ZDHHC14: variants seen among roughly 807,000 people sequenced by gnomAD.
The protein encoded by ZDHHC14 is zDHHC palmitoyltransferase 14, also known as palmitoyltransferase ZDHHC14.
Under a neutral mutation model 47.7 loss-of-function variants are expected in ZDHHC14, and 16 were observed. The observed-to-expected ratio is 0.34, with a 90% confidence interval of 0.23 to 0.51. ZDHHC14 has a LOEUF of 0.51. Ranked by LOEUF, ZDHHC14 falls within the 20% of genes least tolerant of loss-of-function variation. The pLI is 0.97. For missense variants in ZDHHC14, 515 were observed against 662.5 expected (o/e 0.78, Z 2.44); for synonymous variants, 293 against 278.9 (o/e 1.05, Z -0.50).
At chr6:157,664,519 A>G (rs1246558701) in intron 8 of ZDHHC14, among the ~76,000 whole-genome samples, 2 of 152,206 alleles carry the variant, frequency 1.3e-5, no homozygotes, top group Admixed American at 6.5e-5. Flanking sequence ...ATCTGTGGAA[A>G]GTTCAAAGTG....
At chr6:157,653,736 C>T (rs924046430) in intron 8 of ZDHHC14, 109 bp downstream of exon 8, 23 of 957,986 alleles carry the variant, frequency 2.4e-5, no homozygotes, top group African/African-American at 9.7e-5. Flanking sequence ...GCGGGGGCAG[C>T]CCACAGCCGC....
At chr6:157,482,190 A>G (rs1390949767) in intron 1 of ZDHHC14, among the ~76,000 whole-genome samples, 1 of 152,130 alleles carries the variant, frequency 6.6e-6, no homozygotes, top group Non-Finnish European at 1.5e-5. Flanking sequence ...GATAGTAGCC[A>G]GTTGGAGATG....
intron 1 of ZDHHC14, among the ~76,000 whole-genome samples, chr6:157,515,084 A>G (rs1780633092): frequency 6.6e-6 from 1 of 152,114 alleles, no homozygotes; most frequent in African/African-American, 2.4e-5. Flanking sequence ...GGGCTGGGGA[A>G]GTTGAATCTG....
At chr6:157,655,049 G>A (rs1298591889) in intron 8 of ZDHHC14, among the ~76,000 whole-genome samples, 1 of 152,172 alleles carries the variant, frequency 6.6e-6, no homozygotes, top group Non-Finnish European at 1.5e-5. Context: ...TTCTTTCGAA[G>A]CAAGTATGTT....
chr6:157,532,301 A>G (rs1005138003), intron 1 of ZDHHC14, among the ~76,000 whole-genome samples: 5 of 152,230 alleles, frequency 3.3e-5, no homozygotes, highest in Non-Finnish European at 7.3e-5. Flanking sequence ...TTTGTTGAAA[A>G]TGTCTCTGTT....
intron 2 of ZDHHC14, among the ~76,000 whole-genome samples, chr6:157,557,791 T>C (rs1782536342): frequency 6.6e-6 from 1 of 152,170 alleles, no homozygotes. Context: ...AGCAAAGGAA[T>C]GGCGGCCACT....
At chr6:157,621,354 A>G (rs1008525880) in intron 3 of ZDHHC14, among the ~76,000 whole-genome samples, 6 of 151,682 alleles carry the variant, frequency 4.0e-5, no homozygotes, top group African/African-American at 1.5e-4. Context: ...AAAAAGCCCT[A>G]CGTTTAAAGA....
chr6:157,569,733 C>G (rs1434092990), intron 2 of ZDHHC14, among the ~76,000 whole-genome samples: 11 of 151,934 alleles, frequency 7.2e-5, no homozygotes, highest in Non-Finnish European at 1.5e-4. Flanking sequence ...TTCAAAACCC[C>G]CTTCAAGTCT....
intron 4 of ZDHHC14, 199 bp downstream of exon 4, chr6:157,628,685 C>T (rs1785537061): frequency 3.2e-6 from 2 of 632,412 alleles, no homozygotes; most frequent in Non-Finnish European, 5.3e-6. Flanking sequence ...TGTCATCCCC[C>T]ACTCCCCACC....
At chr6:157,583,841 G>A (rs1783597659) in intron 2 of ZDHHC14, among the ~76,000 whole-genome samples, 1 of 152,158 alleles carries the variant, frequency 6.6e-6, no homozygotes, top group Admixed American at 6.5e-5. Flanking sequence ...GGTTGTAGCA[G>A]AGGGCCTTTC....
intron 3 of ZDHHC14, among the ~76,000 whole-genome samples, chr6:157,624,881 A>G (rs1302857239): frequency 1.3e-5 from 2 of 152,226 alleles, no homozygotes; most frequent in Non-Finnish European, 2.9e-5. Flanking sequence ...TAACTTATAA[A>G]GAGCAGAGAT....
At chr6:157,455,474 A>G (rs1427231851) in intron 1 of ZDHHC14, among the ~76,000 whole-genome samples, 1 of 152,224 alleles carries the variant, frequency 6.6e-6, no homozygotes, top group Non-Finnish European at 1.5e-5. Flanking sequence ...GGTGAACCAC[A>G]TGGGAAATCT....
At chr6:157,465,911 G>A (rs1170447177) in intron 1 of ZDHHC14, among the ~76,000 whole-genome samples, 2 of 152,086 alleles carry the variant, frequency 1.3e-5, no homozygotes, top group Admixed American at 6.5e-5. Context: ...GCATGGTGGC[G>A]GGTGCCTGTA....
At chr6:157,654,757 A>G (rs1430388757) in intron 8 of ZDHHC14, among the ~76,000 whole-genome samples, 1 of 148,084 alleles carries the variant, frequency 6.8e-6, no homozygotes, top group Non-Finnish European at 1.5e-5. Flanking sequence ...TTTTTTGGAG[A>G]CAGAGTCTTG....
chr6:157,394,579 T>C (rs1777485187), intron 1 of ZDHHC14, among the ~76,000 whole-genome samples: 1 of 152,152 alleles, frequency 6.6e-6, no homozygotes, highest in African/African-American at 2.4e-5. Flanking sequence ...GCTGAGTAAA[T>C]GAACCTTCAC....
At chr6:157,425,997 C>T (rs1433569391) in intron 1 of ZDHHC14, among the ~76,000 whole-genome samples, 1 of 152,182 alleles carries the variant, frequency 6.6e-6, no homozygotes, top group East Asian at 1.9e-4. Context: ...TCCTGATCCC[C>T]CAACCAGACT....
chr6:157,666,412 TA>T (rs1778558251), intron 8 of ZDHHC14, among the ~76,000 whole-genome samples: 1 of 152,000 alleles, frequency 6.6e-6, no homozygotes, highest in South Asian at 2.1e-4. Context: ...TCAAATGTAG[TA>T]GGAAAAAAAA....
At chr6:157,480,342 A>G (rs1245411175) in intron 1 of ZDHHC14, among the ~76,000 whole-genome samples, 2 of 135,122 alleles carry the variant, frequency 1.5e-5, no homozygotes, top group Non-Finnish European at 3.0e-5. Flanking sequence ...ACCTTGGCTC[A>G]CTGCAACCTC....
At chr6:157,539,532 G>T (rs962933236) in intron 1 of ZDHHC14, among the ~76,000 whole-genome samples, 1 of 152,224 alleles carries the variant, frequency 6.6e-6, no homozygotes, top group Non-Finnish European at 1.5e-5. Context: ...GGAAGTCCCT[G>T]AGTGGGAGGA....
Sources: gnomAD v4.1 joint callset for allele counts (sites outside exome capture counted in the v4.1 genomes callset) on GRCh38, gnomAD v4.1.1 for gene constraint, MANE v1.5 for transcripts, NCBI Gene and HGNC (gene_info 2026-07-23, HGNC 2026-07-21) for gene names.